The following SLC22A15 variants were observed in gnomAD, a reference collection of about 807,000 sequenced individuals.
The protein encoded by SLC22A15 is solute carrier family 22 member 15.
Under a neutral mutation model 62.7 loss-of-function variants are expected in SLC22A15, and 45 were observed. The observed-to-expected ratio is 0.72, with a 90% CI of 0.56 to 0.92. The LOEUF (loss-of-function observed/expected upper bound fraction) is 0.92. SLC22A15 is among the 40% of genes least tolerant of loss of function. The pLI, the probability that SLC22A15 is intolerant of heterozygous loss-of-function variation, is 0.00. For synonymous variants in SLC22A15, 264 were observed against 267.0 expected, an observed-to-expected ratio of 0.99 and a Z score of 0.11; for missense variants, 622 against 665.6, an observed-to-expected ratio of 0.93 and a Z score of 0.72.
intron 8 of SLC22A15, among the ~76,000 whole-genome samples, chr1:116,054,788 C>T (rs1658157066): frequency 6.6e-6 from 1 of 152,148 alleles, no homozygotes; most frequent in African/African-American, 2.4e-5. Context: ...ACTGAGCAAC[C>T]TGCTCCCGAA....
intron 8 of SLC22A15, among the ~76,000 whole-genome samples, chr1:116,056,588 A>C (rs1310196861): frequency 6.6e-6 from 1 of 151,710 alleles, no homozygotes; most frequent in African/African-American, 2.4e-5. Context: ...AAAAGAGCCC[A>C]CATCGCCAAG....
chr1:116,051,323 G>A (rs941376058), intron 8 of SLC22A15, among the ~76,000 whole-genome samples: 1 of 152,140 alleles, frequency 6.6e-6, no homozygotes, highest in African/African-American at 2.4e-5. Flanking sequence ...ATACTATAGG[G>A]CCATAGTCAC....
intron 1 of SLC22A15, 27 bp downstream of exon 1, chr1:115,976,741 A>G: frequency 3.9e-6 from 6 of 1,555,534 alleles, no homozygotes; most frequent in Non-Finnish European, 5.2e-6. Context: ...CCGCAGCCGC[A>G]TTTCCCTCTT....
At chr1:116,045,848 G>C (rs1440608455) in intron 8 of SLC22A15, among the ~76,000 whole-genome samples, 1 of 150,688 alleles carries the variant, frequency 6.6e-6, no homozygotes, top group East Asian at 1.9e-4. Flanking sequence ...GTATGAAATA[G>C]AACCACATAT....
At chr1:116,053,764 A>C (rs1395367724) in intron 8 of SLC22A15, among the ~76,000 whole-genome samples, 2 of 152,160 alleles carry the variant, frequency 1.3e-5, no homozygotes, top group Non-Finnish European at 2.9e-5. Flanking sequence ...ATTCTTAAAG[A>C]AAAGAATTTT....
At chr1:116,046,182 T>G (rs756265758) in intron 8 of SLC22A15, among the ~76,000 whole-genome samples, 18 of 152,142 alleles carry the variant, frequency 1.2e-4, no homozygotes, top group Non-Finnish European at 2.5e-4. Flanking sequence ...AAAATCTTAG[T>G]GACTTTGAGT....
intron 2 of SLC22A15, among the ~76,000 whole-genome samples, chr1:116,000,813 T>A (rs1557878955): frequency 1.3e-5 from 2 of 151,930 alleles, no homozygotes; most frequent in African/African-American, 4.8e-5. Context: ...TGTATTTTTT[T>A]AGTAGAGACG....
chr1:115,998,252 G>A (rs1167152464), intron 2 of SLC22A15, among the ~76,000 whole-genome samples: 2 of 151,572 alleles, frequency 1.3e-5, no homozygotes. Flanking sequence ...TCTTTTTTTT[G>A]GTGTGTCTTT....
At chr1:115,995,546 C>T (rs1232278666) in intron 2 of SLC22A15, among the ~76,000 whole-genome samples, 4 of 152,138 alleles carry the variant, frequency 2.6e-5, no homozygotes, top group Admixed American at 2.6e-4. Context: ...CTACTGTGCC[C>T]AGCCCAAAAT....
At chr1:116,021,531 T>G (rs1656837798) in intron 4 of SLC22A15, among the ~76,000 whole-genome samples, 1 of 152,236 alleles carries the variant, frequency 6.6e-6, no homozygotes, top group African/African-American at 2.4e-5. Context: ...TTTGTTTCTT[T>G]TACTTTCATT....
At chr1:116,018,457 C>T (rs895695485) in intron 2 of SLC22A15, among the ~76,000 whole-genome samples, 9 of 152,074 alleles carry the variant, frequency 5.9e-5, no homozygotes, top group South Asian at 2.1e-4. Flanking sequence ...CTCCGCCTCC[C>T]GGGTTCACAC....
intron 2 of SLC22A15, among the ~76,000 whole-genome samples, chr1:115,998,651 T>C: frequency 6.6e-6 from 1 of 152,140 alleles, no homozygotes; most frequent in Non-Finnish European, 1.5e-5. Context: ...TTTTCATCTC[T>C]GATTTTATTT....
chr1:116,057,918 GA>G (rs1658258753), intron 8 of SLC22A15, among the ~76,000 whole-genome samples: 1 of 152,088 alleles, frequency 6.6e-6, no homozygotes, highest in Non-Finnish European at 1.5e-5. Flanking sequence ...TGGGTGGGGA[GA>G]GGGGAGAAGG....
At position 115,983,038 on chromosome 1, in the gene SLC22A15, G is replaced by A. The variant is rs72689458; in HGVS notation, c.87+6324G>A. On this transcript the variant is annotated intron_variant, in intron 1 of 11. Coordinates refer to ENST00000369503, the MANE Select transcript of SLC22A15 (RefSeq NM_018420.3). ...ATTAAATAGCATTAACTCTTAATAA[G>A]TGATAGAGTTATGCCCTTCTGGAGC... Among the ~76,000 whole-genome samples the A allele has an allele frequency of 6.2e-3, 950 of 152,330 alleles. 5 individuals carry two copies. The highest frequency in any genetic ancestry group is 0.011 in the Non-Finnish European group (769 of 68,030).
intron 1 of SLC22A15, among the ~76,000 whole-genome samples, chr1:115,989,329 A>G (rs1655035347): frequency 1.3e-5 from 2 of 152,214 alleles, no homozygotes; most frequent in Non-Finnish European, 2.9e-5. Context: ...GAATAAGGGT[A>G]TATAGCAACA....
intron 8 of SLC22A15, among the ~76,000 whole-genome samples, chr1:116,052,210 G>A (rs974840860): frequency 6.6e-6 from 1 of 152,228 alleles, no homozygotes. Flanking sequence ...CGAATACTGT[G>A]CTTTTCTGAC....
chr1:116,052,967 C>A (rs991226863), intron 8 of SLC22A15, among the ~76,000 whole-genome samples: 35 of 152,072 alleles, frequency 2.3e-4, no homozygotes, highest in Non-Finnish European at 4.9e-4. Flanking sequence ...AAAAACAGAG[C>A]AGAAAAACTG....
chr1:116,066,770 G>A, intron 11 of SLC22A15, 62 bp downstream of exon 11: 3 of 1,465,426 alleles, frequency 2.0e-6, no homozygotes, highest in South Asian at 1.3e-5. Flanking sequence ...AAAAAAGAAG[G>A]TTTGCGTTAA....
At chr1:115,992,664 C>T (rs1655212078) in intron 2 of SLC22A15, among the ~76,000 whole-genome samples, 1 of 149,924 alleles carries the variant, frequency 6.7e-6, no homozygotes, top group South Asian at 2.1e-4. Context: ...CTTTGTTGCC[C>T]AAGCTGGAGT....
Sources: allele counts gnomAD v4.1 joint callset (sites outside exome capture counted in the v4.1 genomes callset), GRCh38; gene constraint gnomAD v4.1.1; transcripts MANE v1.5; gene names NCBI Gene and HGNC (gene_info 2026-07-23, HGNC 2026-07-21).